ZNF519: variants seen among roughly 807,000 people sequenced by gnomAD.
The protein encoded by ZNF519 is zinc finger protein 519.
ZNF519 carries 7 observed loss-of-function variants against 7.4 expected under a neutral mutation model. The ratio of observed to expected loss-of-function variants is 0.94; its 90% confidence interval spans 0.54 to 1.77. ZNF519 has a LOEUF of 1.77. Ranked by LOEUF, ZNF519 falls within the 40% of genes most tolerant of loss-of-function variation. The probability of loss-of-function intolerance (pLI) is 0.00; values close to 1 mark genes in which losing one functional copy is unlikely to be tolerated. For missense variants in ZNF519, 586 were observed against 623.1 expected (o/e 0.94, Z 0.63); for synonymous variants, 179 against 203.3 (o/e 0.88, Z 1.02).
Position 14,106,172 on chromosome 18 carries a change from A to C in ZNF519, c.368T>G (p.Ile123Arg), listed in dbSNP as rs763752951. The C allele has an allele frequency of 6.2e-7, 1 of 1,612,508 alleles. No individual in the cohort carries two copies. The highest frequency in any genetic ancestry group is 2.2e-5 in the East Asian group (1 of 44,828). Residue 123 changes from isoleucine (I) to arginine (R), a missense_variant, in exon 3 of 3, where the codon ATA (isoleucine) becomes AGA (arginine). Coordinates refer to ENST00000590202, the MANE Select transcript of ZNF519 (RefSeq NM_145287.4). ...CAGAAACTGAGGCTTCTTCTGAAAT[A>C]TTCTATATTCTTTGTCTCCTTTCAC... The part of the protein sequence containing the change: ...LTVKGDKEYR[I>R]FQKKPQFLSA...
intron 2 of ZNF519, among the ~76,000 whole-genome samples, chr18:14,088,497 A>C (rs1445388740): frequency 6.6e-6 from 1 of 152,216 alleles, no homozygotes; most frequent in Non-Finnish European, 1.5e-5. Flanking sequence ...TGCATATGAT[A>C]CAGGTTGAGA....
intron 1 of ZNF519, among the ~76,000 whole-genome samples, chr18:14,131,720 A>C (rs1218627069): frequency 1.2e-4 from 19 of 152,114 alleles, no homozygotes; most frequent in Non-Finnish European, 1.8e-4. Context: ...CATAACCAGG[A>C]AATTTCCACC....
chr18:14,122,927 C>T, intron 2 of ZNF519, among the ~76,000 whole-genome samples: 1 of 123,970 alleles, frequency 8.1e-6, no homozygotes. Flanking sequence ...TATCCCTCCC[C>T]CCTCCCCCCA....
chr18:14,118,619 GCAA>G (rs1164087156), intron 2 of ZNF519, among the ~76,000 whole-genome samples: 1 of 152,186 alleles, frequency 6.6e-6, no homozygotes. Context: ...CACCCAGGTG[GCAA>G]ACTGAAGAGC....
chr18:14,105,370 G>C lies in ZNF519; in HGVS notation c.1170C>G (p.Tyr390Ter), dbSNP rs542240439. Residue 390 changes from tyrosine (Y) to a stop codon, truncating the protein, a stop_gained, in exon 3 of 3, where the codon TAC becomes TAG. Coordinates refer to ENST00000590202, the MANE Select transcript of ZNF519 (RefSeq NM_145287.4). LOFTEE classifies it low-confidence loss of function (END_TRUNC). Reference sequence around the variant, plus strand: ...TATGCATTCTCTGATGCTGAGTAACGTATGAGCTTCTATTAAAGGCTTTGC... The same window carrying C: ...TATGCATTCTCTGATGCTGAGTAACCTATGAGCTTCTATTAAAGGCTTTGC... ...ECGKAFNRSS[Y>*]VTQHQRMHTG... is the part of the protein sequence containing the mutation. The C allele has an allele frequency of 3.7e-6, 6 of 1,613,692 alleles. No individual in the cohort carries two copies. The East Asian group carries it at 6.7e-5, about 18-fold the overall frequency.
At chr18:14,075,524 G>A (rs1294202099), downstream of ZNF519, 1 of 152,218 alleles carries the variant, frequency 6.6e-6, no homozygotes, top group East Asian at 1.9e-4. Context: ...TTGAGAAAAT[G>A]TTTCAACCCA....
downstream of ZNF519, among the ~76,000 whole-genome samples, chr18:14,098,738 G>A (rs1413857866): frequency 6.6e-6 from 1 of 152,152 alleles, no homozygotes; most frequent in African/African-American, 2.4e-5. Context: ...GTTCACAACA[G>A]ACATTTGCAA....
chr18:14,128,468 TA>T (rs938860096), intron 1 of ZNF519, among the ~76,000 whole-genome samples: 1 of 152,180 alleles, frequency 6.6e-6, no homozygotes, highest in African/African-American at 2.4e-5. Context: ...CAGCTTATTA[TA>T]ATTTGGGCTG....
At chr18:14,125,742 T>A (rs1304363270) in intron 1 of ZNF519, among the ~76,000 whole-genome samples, 1 of 152,064 alleles carries the variant, frequency 6.6e-6, no homozygotes, top group Non-Finnish European at 1.5e-5. Context: ...TGGAGTGCAA[T>A]GGTGCGATCT....
intron 2 of ZNF519, among the ~76,000 whole-genome samples, chr18:14,088,607 T>C (rs549391184): frequency 6.6e-6 from 1 of 152,312 alleles, no homozygotes; most frequent in East Asian, 1.9e-4. Flanking sequence ...ATCCATCCCT[T>C]ATCAAAGAAA....
In ZNF519 at chr18:14,103,691, T is replaced by C. The variant is rs1312257214; in HGVS notation, c.*1226A>G. On this transcript the variant is annotated 3_prime_UTR_variant, in exon 3 of 3. Transcript: ENST00000590202. ...CAAGTAATAACTTATGGAATCAACA[T>C]TCTCCAAACTATTTGGAGTTTAATA... 3 of 152,064 alleles carry C rather than the reference T, an allele frequency of 2.0e-5. No homozygotes were observed. The highest frequency in any genetic ancestry group is 2.9e-5 in the Non-Finnish European group (2 of 67,984). The allele number at this position is 152,064 out of a possible 1,614,324, so 9.4% of individuals were successfully genotyped here. A position where few individuals can be genotyped will look rare whatever the true frequency, so the allele number is the denominator to read the frequency against.
In ZNF519 at chr18:14,106,344, C is replaced by T. The variant is rs546038110; in HGVS notation, c.196G>A (p.Ala66Thr). ...CAGCTCCCATATCTTCCCAGTGTTG[C>T]TTTTTTGAATGAATCTTGTATGCCT... ...EQGIQDSFKKATLGRYGSCGL... is the reference protein window; with the variant it reads ...EQGIQDSFKKTTLGRYGSCGL... The change falls in exon 3 of 3, where the codon GCA becomes ACA. Residue 66 changes from alanine (A) to threonine (T), a missense_variant. Transcript: ENST00000590202. 1.2e-6 allele frequency: 2 copies of T among 1,611,996 alleles called. No individual in the cohort carries two copies. The highest frequency in any genetic ancestry group is 2.7e-5 in the African/African-American group (2 of 74,518).
intron 1 of ZNF519, among the ~76,000 whole-genome samples, chr18:14,125,639 A>T (rs994062007): frequency 1.3e-5 from 2 of 152,124 alleles, no homozygotes; most frequent in African/African-American, 4.8e-5. Context: ...AAACTGCAGG[A>T]ATGGAGAACA....
intron 2 of ZNF519, among the ~76,000 whole-genome samples, chr18:14,085,793 C>G (rs1001660073): frequency 6.6e-6 from 1 of 152,160 alleles, no homozygotes; most frequent in Non-Finnish European, 1.5e-5. Context: ...GCCACTGACC[C>G]CAGGCCAAAA....
intron 2 of ZNF519, among the ~76,000 whole-genome samples, chr18:14,111,394 T>C (rs1164521576): frequency 6.7e-6 from 1 of 150,316 alleles, no homozygotes; most frequent in African/African-American, 2.4e-5. Context: ...TAATCCCACC[T>C]ACTTGGGAGG....
At position 14,078,860 on chromosome 18, in the gene ZNF519, T is replaced by G. The variant is rs147932286; in HGVS notation, c.*178-562A>C. 2.4e-3 allele frequency among the ~76,000 whole-genome samples: 373 copies of G among 152,284 alleles called. 3 individuals are homozygous for G. Among genetic ancestry groups the G allele is most frequent in the African/African-American group, 8.8e-3 (365 of 41,554 alleles). The stretch of plus-strand genomic sequence containing the variant: ...GTACTAAAATAAAAGCTAATAGATG[T>G]TCTATGTGACTGAAACTTTTTATGT... On this transcript the variant is annotated intron_variant and NMD_transcript_variant, in intron 3 of 4. Coordinates refer to the ZNF519 transcript ENST00000587419.
chr18:14,105,758 CCAGTGTT>C lies in ZNF519; in HGVS notation c.775_781del (p.Asn259GlufsTer5), dbSNP rs777950304. ...TTCTTTATATTTCACTGATTTTTCTCCAGTGTTAATTATCTTATGTCCCTTTAGATGT... is the reference window on the plus strand; with the variant it reads ...TTCTTTATATTTCACTGATTTTTCTCAATTATCTTATGTCCCTTTAGATGT... On this transcript the variant is annotated frameshift_variant, in exon 3 of 3. Coordinates refer to ENST00000590202, the MANE Select transcript of ZNF519 (RefSeq NM_145287.4). LOFTEE classifies it low-confidence loss of function (END_TRUNC). 3 of 1,613,702 alleles carry C rather than the reference CCAGTGTT, an allele frequency of 1.9e-6. No homozygotes were observed. The highest frequency in any genetic ancestry group is 2.5e-6 in the Non-Finnish European group (3 of 1,179,936).
chr18:14,105,596 G>T lies in ZNF519; in HGVS notation c.944C>A (p.Thr315Asn), dbSNP rs2046185852. The T allele has an allele frequency of 1.2e-6, 2 of 1,614,030 alleles. No individual in the cohort carries two copies. The change falls in exon 3 of 3, where the codon ACT becomes AAT. Residue 315 changes from threonine (T) to asparagine (N), a missense_variant. Transcript: ENST00000590202. ...SHLAQHQRIH[T>N]GEKPFKCKEC... ...CTTACACTTGAAAGGCTTCTCTCCA[G>T]TATGGATTCTCTGATGTTGAGCAAG...
intron 2 of ZNF519, among the ~76,000 whole-genome samples, chr18:14,091,225 C>T (rs899419445): frequency 1.3e-5 from 2 of 151,966 alleles, no homozygotes; most frequent in African/African-American, 4.8e-5. Flanking sequence ...TTAAATTACA[C>T]GGAGATGGTT....
Sources: gnomAD v4.1 joint callset for allele counts (sites outside exome capture counted in the v4.1 genomes callset) on GRCh38, gnomAD v4.1.1 for gene constraint, MANE v1.5 for transcripts, NCBI Gene and HGNC (gene_info 2026-07-23, HGNC 2026-07-21) for gene names.